ADAM22: variants seen among roughly 807,000 people sequenced by gnomAD.
ADAM22 encodes the protein ADAM metallopeptidase domain 22, also known as disintegrin and metalloproteinase domain-containing protein 22.
Under a neutral mutation model 144.6 loss-of-function variants are expected in ADAM22, and 65 were observed. The observed-to-expected ratio is 0.45, with a 90% confidence interval of 0.37 to 0.55. ADAM22 has a LOEUF of 0.55. ADAM22 is among the 20% of genes least tolerant of loss of function. ADAM22 has a pLI of 0.00. For missense variants in ADAM22, 974 were observed against 1,184.9 expected, an observed-to-expected ratio of 0.82 and a Z score of 2.61; for synonymous variants, 391 against 412.6, an observed-to-expected ratio of 0.95 and a Z score of 0.63.
chr7:88,119,915 C>T (rs1034420461), intron 7 of ADAM22, among the ~76,000 whole-genome samples: 10 of 152,198 alleles, frequency 6.6e-5, no homozygotes, highest in Non-Finnish European at 1.5e-4. Context: ...ATTTTCATTT[C>T]TTCCAGTAAA....
chr7:87,963,332 A>G (rs778887494), intron 2 of ADAM22, among the ~76,000 whole-genome samples: 4 of 152,186 alleles, frequency 2.6e-5, no homozygotes, highest in Non-Finnish European at 4.4e-5. Context: ...CAACCCACCC[A>G]GTTTTCAGAA....
intron 3 of ADAM22, among the ~76,000 whole-genome samples, chr7:88,021,490 C>T (rs1444209244): frequency 2.0e-5 from 3 of 152,176 alleles, no homozygotes; most frequent in African/African-American, 7.2e-5. Flanking sequence ...ACTTTGTATA[C>T]TCCATTTTGT....
At chr7:87,999,507 A>G (rs933242298) in intron 3 of ADAM22, among the ~76,000 whole-genome samples, 15 of 152,230 alleles carry the variant, frequency 9.9e-5, no homozygotes, top group African/African-American at 3.4e-4. Flanking sequence ...TGCTTTCTCT[A>G]TTCATCGAAG....
intron 4 of ADAM22, among the ~76,000 whole-genome samples, chr7:88,086,792 A>G (rs976117281): frequency 2.6e-5 from 4 of 152,232 alleles, no homozygotes; most frequent in Admixed American, 2.0e-4. Context: ...AGTCTCAGCC[A>G]TGCAGTTTGC....
chr7:88,169,315 G>T (rs1843685134), intron 25 of ADAM22, among the ~76,000 whole-genome samples: 1 of 152,108 alleles, frequency 6.6e-6, no homozygotes, highest in African/African-American at 2.4e-5. Context: ...AAACATTACA[G>T]TTTGACATGG....
intron 3 of ADAM22, among the ~76,000 whole-genome samples, chr7:88,056,441 G>A (rs761210404): frequency 7.9e-5 from 12 of 152,132 alleles, no homozygotes; most frequent in African/African-American, 2.4e-4. Flanking sequence ...ACCATTATGC[G>A]TTGATTTCTC....
chr7:87,944,258 G>A (rs1198216008), intron 2 of ADAM22, among the ~76,000 whole-genome samples: 1 of 151,838 alleles, frequency 6.6e-6, no homozygotes, highest in Non-Finnish European at 1.5e-5. Flanking sequence ...ATGAGGTTAG[G>A]ATGTTGGGGG....
chr7:88,086,394 G>A (rs1394054071), intron 4 of ADAM22, among the ~76,000 whole-genome samples: 1 of 152,036 alleles, frequency 6.6e-6, no homozygotes, highest in Non-Finnish European at 1.5e-5. Flanking sequence ...GACATCATCA[G>A]CCTCATTGAA....
At chr7:88,089,723 T>C (rs538685313) in intron 4 of ADAM22, among the ~76,000 whole-genome samples, 10 of 152,320 alleles carry the variant, frequency 6.6e-5, no homozygotes, top group African/African-American at 1.9e-4. Flanking sequence ...TTAGAAATGA[T>C]GTTTTTCCTT....
chr7:88,061,761 T>TAC (rs1809929593), intron 3 of ADAM22, among the ~76,000 whole-genome samples: 1 of 151,564 alleles, frequency 6.6e-6, no homozygotes, highest in Non-Finnish European at 1.5e-5. Context: ...GAATGGTGAG[T>TAC]GAGTATTGGC....
intron 14 of ADAM22, among the ~76,000 whole-genome samples, chr7:88,140,071 G>A (rs941161789): frequency 6.6e-6 from 1 of 152,072 alleles, no homozygotes; most frequent in African/African-American, 2.4e-5. Flanking sequence ...GTGTCACATG[G>A]CAAGAGAGGG....
intron 7 of ADAM22, among the ~76,000 whole-genome samples, chr7:88,124,801 G>A (rs951342939): frequency 2.0e-5 from 3 of 151,912 alleles, no homozygotes; most frequent in African/African-American, 7.2e-5. Flanking sequence ...TTATTATTCA[G>A]CTTCTTGGTC....
intron 30 of ADAM22, among the ~76,000 whole-genome samples, chr7:88,187,610 T>C (rs1372406023): frequency 6.6e-6 from 1 of 152,222 alleles, no homozygotes; most frequent in African/African-American, 2.4e-5. Context: ...TGTGGACAAC[T>C]AAGGTAAAGG....
intron 2 of ADAM22, among the ~76,000 whole-genome samples, chr7:87,970,830 G>T (rs1051594809): frequency 6.6e-6 from 1 of 152,096 alleles, no homozygotes; most frequent in Non-Finnish European, 1.5e-5. Context: ...CTAAAATTCT[G>T]TGATTCATTT....
At chr7:87,947,994 A>C (rs1279554514) in intron 2 of ADAM22, among the ~76,000 whole-genome samples, 1 of 151,854 alleles carries the variant, frequency 6.6e-6, no homozygotes, top group Admixed American at 6.6e-5. Flanking sequence ...ATGCTCCCAT[A>C]CCCCCAACAT....
intron 29 of ADAM22, among the ~76,000 whole-genome samples, chr7:88,182,404 C>T (rs755863224): frequency 3.3e-5 from 5 of 152,120 alleles, no homozygotes; most frequent in Admixed American, 6.6e-5. Flanking sequence ...TTGTAAGCAT[C>T]GGGGAAAAAT....
At chr7:88,012,672 G>A (rs1795704841) in intron 3 of ADAM22, among the ~76,000 whole-genome samples, 1 of 152,142 alleles carries the variant, frequency 6.6e-6, no homozygotes, top group Admixed American at 6.5e-5. Context: ...CTAGAGCCCT[G>A]TTCATGTGCT....
chr7:87,962,426 G>T (rs922312412), intron 2 of ADAM22, among the ~76,000 whole-genome samples: 1 of 152,196 alleles, frequency 6.6e-6, no homozygotes, highest in South Asian at 2.1e-4. Flanking sequence ...GAGAGTGGAA[G>T]ATGGTATAGC....
intron 3 of ADAM22, among the ~76,000 whole-genome samples, chr7:88,053,594 A>AGG (rs1459902741): frequency 0.025 from 713 of 29,090 alleles, 4 homozygotes; most frequent in African/African-American, 0.09. Flanking sequence ...GAAGGAAGGA[A>AGG]AGAAAGAAAG....
Sources: allele counts gnomAD v4.1 joint callset (sites outside exome capture counted in the v4.1 genomes callset), GRCh38; gene constraint gnomAD v4.1.1; transcripts MANE v1.5; gene names NCBI Gene and HGNC (gene_info 2026-07-23, HGNC 2026-07-21).